The following GMDS variants were observed in gnomAD, a reference collection of about 807,000 sequenced individuals.
The protein encoded by GMDS is GDP-mannose 4,6 dehydratase.
GMDS carries 20 observed loss-of-function variants against 49.9 expected under a neutral mutation model. The ratio of observed to expected loss-of-function variants is 0.40; its 90% CI spans 0.28 to 0.58. GMDS has a LOEUF of 0.58. Ranked by LOEUF, GMDS falls within the 20% of genes least tolerant of loss-of-function variation. The probability of loss-of-function intolerance (pLI) is 0.42; values close to 1 mark genes in which losing one functional copy is unlikely to be tolerated. For synonymous variants in GMDS, 177 were observed against 178.6 expected (o/e 0.99, Z 0.07); for missense variants, 362 against 481.4 (o/e 0.75, Z 2.32).
intron 1 of GMDS, among the ~76,000 whole-genome samples, chr6:2,172,027 G>A (rs57769530): frequency 0.02 from 3,100 of 152,052 alleles, 121 homozygotes; most frequent in African/African-American, 0.072. Context: ...CAAACACTAC[G>A]GAAGACATCA....
chr6:1,684,412 A>G (rs148097487), intron 9 of GMDS, among the ~76,000 whole-genome samples: 1,970 of 152,348 alleles, frequency 0.013, 23 homozygotes, highest in Middle Eastern at 0.027. Context: ...TGTTCACAGC[A>G]GCAACATTCG....
chr6:1,885,914 C>T (rs1241253271), intron 7 of GMDS, among the ~76,000 whole-genome samples: 1 of 152,170 alleles, frequency 6.6e-6, no homozygotes, highest in Admixed American at 6.5e-5. Context: ...TGCACTGACA[C>T]AGACTGAGTG....
chr6:1,740,508 G>T (rs1767227292), intron 8 of GMDS, among the ~76,000 whole-genome samples: 1 of 150,354 alleles, frequency 6.7e-6, no homozygotes, highest in Admixed American at 6.6e-5. Flanking sequence ...AGTGAGCCAA[G>T]ATCGTGCCAC....
At chr6:1,741,080 T>G (rs1400080447) in intron 8 of GMDS, among the ~76,000 whole-genome samples, 2 of 152,236 alleles carry the variant, frequency 1.3e-5, no homozygotes, top group Non-Finnish European at 2.9e-5. Flanking sequence ...TGTACACATT[T>G]ATGGGGTACA....
At chr6:1,898,954 C>T (rs375756399) in intron 7 of GMDS, among the ~76,000 whole-genome samples, 9 of 152,304 alleles carry the variant, frequency 5.9e-5, no homozygotes, top group Non-Finnish European at 8.8e-5. Context: ...TTAATTACAA[C>T]GGCGATAAAT....
At chr6:2,110,196 T>TC (rs1265900055) in intron 4 of GMDS, among the ~76,000 whole-genome samples, 6 of 150,984 alleles carry the variant, frequency 4.0e-5, no homozygotes, top group East Asian at 3.9e-4. Context: ...CAACCGCCCT[T>TC]CCCCCCCATA....
chr6:2,222,101 C>T (rs1262370651), intron 1 of GMDS, among the ~76,000 whole-genome samples: 1 of 152,202 alleles, frequency 6.6e-6, no homozygotes, highest in East Asian at 1.9e-4. Context: ...TAGCTGGAAG[C>T]GACTAGTATG....
At chr6:1,750,703 T>C (rs1322289403) in intron 7 of GMDS, among the ~76,000 whole-genome samples, 4 of 151,718 alleles carry the variant, frequency 2.6e-5, no homozygotes, top group Non-Finnish European at 5.9e-5. Flanking sequence ...TAGTGGTGCC[T>C]AGAACACCAG....
At position 2,209,943 on chromosome 6, in the gene GMDS, C is replaced by T. The variant is rs747553051; in HGVS notation, c.102+35378G>A. Among the ~76,000 whole-genome samples, 16 of 152,110 alleles carry T rather than the reference C, an allele frequency of 1.1e-4. No homozygotes were observed. In the East Asian group the frequency reaches 1.2e-3, roughly 11 times the overall value. On this transcript the variant is annotated intron_variant, in intron 1 of 10. Coordinates refer to ENST00000380815, the MANE Select transcript of GMDS (RefSeq NM_001500.4). ...CTTACCCAAAGGACCCAAAACCTAGCGTGAAATGATCCGTAAACAAGACAG... is the reference window on the plus strand; with the variant it reads ...CTTACCCAAAGGACCCAAAACCTAGTGTGAAATGATCCGTAAACAAGACAG...
intron 7 of GMDS, among the ~76,000 whole-genome samples, chr6:1,888,597 G>A (rs1255461309): frequency 1.3e-5 from 2 of 152,034 alleles, no homozygotes; most frequent in African/African-American, 4.8e-5. Context: ...TTCTGCCCCT[G>A]GTCTCTCCCA....
intron 7 of GMDS, among the ~76,000 whole-genome samples, chr6:1,776,930 C>T (rs943117053): frequency 6.6e-6 from 1 of 152,246 alleles, no homozygotes; most frequent in Admixed American, 6.5e-5. Context: ...GTGGCCCAAA[C>T]CTCATCAACT....
At chr6:2,033,449 T>C (rs572292820) in intron 4 of GMDS, among the ~76,000 whole-genome samples, 1 of 152,358 alleles carries the variant, frequency 6.6e-6, no homozygotes, top group Admixed American at 6.5e-5. Flanking sequence ...AAAAGTTGTA[T>C]ACTGAAACTG....
At chr6:1,987,424 G>A (rs548461550) in intron 4 of GMDS, among the ~76,000 whole-genome samples, 29 of 152,144 alleles carry the variant, frequency 1.9e-4, no homozygotes, top group African/African-American at 3.1e-4. Context: ...AAGACACATT[G>A]AGTATTTGCA....
intron 1 of GMDS, among the ~76,000 whole-genome samples, chr6:2,237,819 G>A (rs766665955): frequency 6.6e-6 from 1 of 151,948 alleles, no homozygotes; most frequent in Non-Finnish European, 1.5e-5. Context: ...ACCTCGCCCC[G>A]CCTGGAAGTA....
rs1462272595 is a variant in GMDS, at chr6:1,836,995, G to A, written c.771+93108C>T. On this transcript the variant is annotated intron_variant, in intron 7 of 10. Transcript: ENST00000380815. The surrounding 1 kb of genome is among the most constrained non-coding windows in gnomAD (Gnocchi z 4.2). ...AAGGCTAAAAATTCATATACAGGAAGTGGAAGTCTTTATATTTCATTTCAG... is the reference window on the plus strand; with the variant it reads ...AAGGCTAAAAATTCATATACAGGAAATGGAAGTCTTTATATTTCATTTCAG... 6.6e-6 allele frequency among the ~76,000 whole-genome samples: 1 copy of A among 152,226 alleles called. No individual in the cohort carries two copies. The highest frequency in any genetic ancestry group is 6.5e-5 in the Admixed American group (1 of 15,282).
chr6:2,085,436 T>C (rs1371936759), intron 4 of GMDS, among the ~76,000 whole-genome samples: 2 of 152,246 alleles, frequency 1.3e-5, no homozygotes, highest in African/African-American at 4.8e-5. Flanking sequence ...TATTCTTAAT[T>C]GTCTGTGCAC....
intron 9 of GMDS, among the ~76,000 whole-genome samples, chr6:1,726,147 C>T (rs2113441103): frequency 6.6e-6 from 1 of 152,336 alleles, no homozygotes; most frequent in African/African-American, 2.4e-5. Flanking sequence ...ATGAGGAGAT[C>T]TGCGTGTGAT....
intron 7 of GMDS, among the ~76,000 whole-genome samples, chr6:1,849,218 A>G (rs2113761967): frequency 6.6e-6 from 1 of 152,360 alleles, no homozygotes; most frequent in African/African-American, 2.4e-5. Flanking sequence ...TATTATGTAT[A>G]AGGCACACTG....
At chr6:2,241,239 G>A (rs992489343) in intron 1 of GMDS, among the ~76,000 whole-genome samples, 2 of 152,124 alleles carry the variant, frequency 1.3e-5, no homozygotes, top group South Asian at 2.1e-4. Flanking sequence ...CCCAATGACC[G>A]TACAACCATT....
Sources: allele counts gnomAD v4.1 joint callset (sites outside exome capture counted in the v4.1 genomes callset), GRCh38; gene constraint gnomAD v4.1.1; non-coding constraint Gnocchi (gnomAD v3.1); transcripts MANE v1.5; gene names NCBI Gene and HGNC (gene_info 2026-07-23, HGNC 2026-07-21).